The following DHX38 variants were observed in gnomAD, a reference collection of about 807,000 sequenced individuals.
The protein encoded by DHX38 is DEAH-box helicase 38, also known as pre-mRNA-splicing factor ATP-dependent RNA helicase PRP16.
Under a neutral mutation model 153.1 loss-of-function variants are expected in DHX38, and 100 were observed. The ratio of observed to expected loss-of-function variants is 0.65; its 90% confidence interval spans 0.56 to 0.77. The LOEUF (loss-of-function observed/expected upper bound fraction) is 0.77. Among genes scored for constraint, DHX38 ranks in the 30% least tolerant of loss-of-function variants. The pLI is 0.00. For missense variants in DHX38, 1,440 were observed against 1,654.0 expected (o/e 0.87, Z 2.24); for synonymous variants, 650 against 631.7 (o/e 1.03, Z -0.43).
Position 72,112,845 on chromosome 16 carries a change from C to T in DHX38, c.*348C>T. 4.3e-6 allele frequency: 3 copies of T among 701,524 alleles called. No homozygotes were observed. In the Admixed American group the frequency reaches 6.0e-5, roughly 14 times the overall value. The allele number at this position is 701,524 out of a possible 1,614,324, so 43.5% of individuals were successfully genotyped here. Reference sequence around the variant, plus strand: ...TCCTTGTGTAAAGCAGCAAAAAAGACCTAAAGGGAATTGTAATTTGGTTAT... The same window carrying T: ...TCCTTGTGTAAAGCAGCAAAAAAGATCTAAAGGGAATTGTAATTTGGTTAT... On this transcript the variant is annotated 3_prime_UTR_variant, in exon 27 of 27. Transcript: ENST00000268482.
intron 11 of DHX38, among the ~76,000 whole-genome samples, chr16:72,102,145 T>A (rs541913480): frequency 9.6e-4 from 147 of 152,332 alleles, no homozygotes; most frequent in Non-Finnish European, 1.6e-3. Context: ...TGGCTGGACT[T>A]ATCTGTCCCT....
intron 12 of DHX38, 88 bp from the exon 13 acceptor site, chr16:72,103,514 G>A (rs2042128248): frequency 1.4e-6 from 2 of 1,424,468 alleles, no homozygotes; most frequent in East Asian, 2.3e-5. Flanking sequence ...AGCTAGTCAT[G>A]GGGATAGGAG....
At chr16:72,112,237 C>A in intron 26 of DHX38, 176 bp from the exon 27 acceptor site, 1 of 620,756 alleles carries the variant, frequency 1.6e-6, no homozygotes, top group Non-Finnish European at 2.9e-6. Context: ...TTGATTACAT[C>A]GCCAGTCGAA....
intron 10 of DHX38, 81 bp from the exon 11 acceptor site, chr16:72,101,419 G>C: frequency 7.1e-7 from 1 of 1,403,972 alleles, no homozygotes. Flanking sequence ...GCGGGGTGAA[G>C]TCTGCTCTCC....
intron 11 of DHX38, 113 bp downstream of exon 11, chr16:72,101,725 A>T (rs2042104421): frequency 1.3e-6 from 1 of 763,738 alleles, no homozygotes; most frequent in Admixed American, 2.3e-5. Flanking sequence ...GACTCTTAGG[A>T]TACCTCTCTG....
chr16:72,105,627 A>T lies in DHX38; in HGVS notation c.2487+3A>T, dbSNP rs752529988. On this transcript the variant is annotated splice_donor_region_variant and intron_variant, in intron 18 of 26. Transcript: ENST00000268482. ...ATTCTGGTTATTGCAAATTAAAGGTAAGAGAAGACATGGGAGGCAAGGCCT... is the reference window on the plus strand; with the variant it reads ...ATTCTGGTTATTGCAAATTAAAGGTTAGAGAAGACATGGGAGGCAAGGCCT... The T allele has an allele frequency of 6.2e-7, 1 of 1,614,076 alleles. No individual in the cohort carries two copies. The highest frequency in any genetic ancestry group is 1.1e-5 in the South Asian group (1 of 91,080).
Position 72,104,666 on chromosome 16 carries a change from C to T in DHX38, c.2151+40C>T. 1 of 1,612,490 alleles carries T rather than the reference C, an allele frequency of 6.2e-7. No homozygotes were observed. The highest frequency in any genetic ancestry group is 8.5e-7 in the Non-Finnish European group (1 of 1,179,174). On this transcript the variant is annotated intron_variant, in intron 15 of 26. Transcript: ENST00000268482. This position sits in a 1 kb window ranked among gnomAD's most constrained non-coding sequence, Gnocchi z 4.5. ...ATGTTACGAACTGACCCTTCCATGCCACGCACTTCTCTGATGCGAAGCCGG... is the reference window on the plus strand; with the variant it reads ...ATGTTACGAACTGACCCTTCCATGCTACGCACTTCTCTGATGCGAAGCCGG...
In DHX38 at chr16:72,112,558, G is replaced by C; in HGVS notation, c.*61G>C. 6.4e-7 allele frequency: 1 copy of C among 1,568,122 alleles called. No homozygotes were observed. Among genetic ancestry groups the C allele is most frequent in the Non-Finnish European group, 8.7e-7 (1 of 1,146,276 alleles). ...TTGGGTCCTCAGCCTTCTGGCGGGA[G>C]CCCTGAGGCTGCGGACAAAGCCCTT... On this transcript the variant is annotated 3_prime_UTR_variant, in exon 27 of 27. Coordinates refer to ENST00000268482, the MANE Select transcript of DHX38 (RefSeq NM_014003.4).
At chr16:72,103,260 T>G in intron 12 of DHX38, 49 bp downstream of exon 12, 1 of 1,593,704 alleles carries the variant, frequency 6.3e-7, no homozygotes, top group South Asian at 1.1e-5. Context: ...AGGGGTGCCC[T>G]TGGTCTCCCA....
chr16:72,108,439 G>A (rs774236964), intron 22 of DHX38, 34 bp from the exon 23 acceptor site: 6 of 1,613,572 alleles, frequency 3.7e-6, no homozygotes, highest in Non-Finnish European at 4.2e-6. Flanking sequence ...AGGAAAGGAG[G>A]GCTCCCTCCT....
Position 72,107,940 on chromosome 16 carries a change from G to A in DHX38, c.2964+141G>A. The A allele has an allele frequency of 7.7e-7, 1 of 1,297,818 alleles. No homozygotes were observed. 80.4% of individuals were successfully genotyped at this position (1,297,818 alleles called of 1,614,324 possible). ...GAATGATTTTGCTGTTCTCGGTTAA[G>A]CAGGTTGGGGTAGGGGAAAGGAAGG... is the stretch of plus-strand genomic sequence containing the variant. On this transcript the variant is annotated intron_variant, in intron 21 of 26. Coordinates refer to ENST00000268482, the MANE Select transcript of DHX38 (RefSeq NM_014003.4). The surrounding 1 kb of genome is among the most constrained non-coding windows in gnomAD (Gnocchi z 5.3).
intron 11 of DHX38, among the ~76,000 whole-genome samples, chr16:72,102,308 A>C (rs1171577717): frequency 1.3e-5 from 2 of 152,156 alleles, no homozygotes; most frequent in African/African-American, 4.8e-5. Flanking sequence ...CTCAGGTATT[A>C]GTTATTGGGT....
In DHX38 at chr16:72,096,912, G is replaced by A. The variant is rs2042028397; in HGVS notation, c.414G>A (p.Glu138=). ...FWERSRQRER[E]RREHGVYASS... ...AACGCAGTCGGCAGAGAGAGCGGGA[G>A]CGGCGGGAACATGGTGTCTATGCCT... is the stretch of plus-strand genomic sequence containing the variant. Residue 138 remains glutamate (E), a synonymous_variant, in exon 3 of 27, where the codon GAG becomes GAA. Coordinates refer to ENST00000268482, the MANE Select transcript of DHX38 (RefSeq NM_014003.4). The A allele has an allele frequency of 6.2e-7, 1 of 1,614,064 alleles. No individual in the cohort carries two copies. The highest frequency in any genetic ancestry group is 8.5e-7 in the Non-Finnish European group (1 of 1,179,972).
chr16:72,110,920 C>A, intron 25 of DHX38, 36 bp from the exon 26 acceptor site: 1 of 1,557,148 alleles, frequency 6.4e-7, no homozygotes. Context: ...TTAGTGGTCC[C>A]CAGTAGGCTC....
chr16:72,099,134 C>G, intron 6 of DHX38, 70 bp from the exon 7 acceptor site: 2 of 1,595,154 alleles, frequency 1.3e-6, no homozygotes, highest in Non-Finnish European at 1.7e-6. Flanking sequence ...CTGCATGGCC[C>G]TGCAGATCTG....
intron 10 of DHX38, 73 bp downstream of exon 10, chr16:72,101,266 C>T: frequency 1.3e-6 from 2 of 1,528,668 alleles, no homozygotes; most frequent in Non-Finnish European, 1.8e-6. Flanking sequence ...ATAAGTCTTA[C>T]TAGGCCCACA....
intron 1 of DHX38, chr16:72,094,355 G>T (rs1266422336): frequency 6.6e-6 from 1 of 152,276 alleles, no homozygotes; most frequent in East Asian, 1.9e-4. Flanking sequence ...CTGTCACCGA[G>T]CCCGAGTAGG....
Position 72,099,907 on chromosome 16 carries a change from T to A in DHX38, c.1116+20T>A. 1 of 1,585,306 alleles carries A rather than the reference T, an allele frequency of 6.3e-7. No homozygotes were observed. Among genetic ancestry groups the A allele is most frequent in the Middle Eastern group, 1.7e-4 (1 of 6,038 alleles). ...AATGAGGTGAGGCTGCCTGCAGAAG[T>A]TGGAGCAGATTCAGAGCTGGAGGTA... On this transcript the variant is annotated intron_variant, in intron 8 of 26. Transcript: ENST00000268482.
rs1181626668 is a variant in DHX38, at chr16:72,096,127, C to T, written c.-19-12C>T. 1.3e-6 allele frequency: 2 copies of T among 1,573,114 alleles called. No individual in the cohort carries two copies. The highest frequency in any genetic ancestry group is 1.7e-6 in the Non-Finnish European group (2 of 1,154,980). On this transcript the variant is annotated splice_polypyrimidine_tract_variant and intron_variant, in intron 1 of 26. Coordinates refer to ENST00000268482, the MANE Select transcript of DHX38 (RefSeq NM_014003.4). The stretch of plus-strand genomic sequence containing the variant: ...GCCTTCTCTAGTACCAAATGGTTTG[C>T]CTTCCTTCCAGAGAAATCCCAGATC...
Sources: gnomAD v4.1 joint callset for allele counts (sites outside exome capture counted in the v4.1 genomes callset) on GRCh38, gnomAD v4.1.1 for gene constraint, Gnocchi (gnomAD v3.1) non-coding constraint, MANE v1.5 for transcripts, NCBI Gene and HGNC (gene_info 2026-07-23, HGNC 2026-07-21) for gene names.